The following SNX29 variants were observed in gnomAD, a reference collection of about 807,000 sequenced individuals.
SNX29 encodes the protein sorting nexin 29, also known as sorting nexin-29.
In SNX29, 78 loss-of-function variants were observed where a neutral mutation model predicts 102.1. The ratio of observed to expected loss-of-function variants is 0.76; its 90% CI spans 0.64 to 0.92. The LOEUF is 0.92. Ranked by LOEUF, SNX29 falls within the 40% of genes least tolerant of loss-of-function variation. The pLI, the probability that SNX29 is intolerant of heterozygous loss-of-function variation, is 0.00. For synonymous variants in SNX29, 580 were observed against 414.5 expected, an observed-to-expected ratio of 1.40 and a Z score of -4.85; for missense variants, 1,280 against 1,061.7, an observed-to-expected ratio of 1.21 and a Z score of -2.86.
At chr16:12,383,762 C>A (rs116162031) in intron 16 of SNX29, among the ~76,000 whole-genome samples, 2 of 146,700 alleles carry the variant, frequency 1.4e-5, no homozygotes, top group Non-Finnish European at 3.0e-5. Flanking sequence ...AAAAAAGATA[C>A]GTCAACTTTC....
intron 20 of SNX29, among the ~76,000 whole-genome samples, chr16:12,536,790 A>C (rs1428320675): frequency 6.6e-6 from 1 of 152,170 alleles, no homozygotes; most frequent in Non-Finnish European, 1.5e-5. Flanking sequence ...AGCCTGGCCA[A>C]CATGGTAAAA....
At chr16:12,076,818 C>T (rs1337654624) in intron 10 of SNX29, among the ~76,000 whole-genome samples, 6 of 152,132 alleles carry the variant, frequency 3.9e-5, no homozygotes, top group African/African-American at 9.7e-5. Context: ...TCCTGACTAC[C>T]GTAAACCATA....
intron 18 of SNX29, among the ~76,000 whole-genome samples, chr16:12,437,354 G>A (rs1227314861): frequency 1.3e-5 from 2 of 152,224 alleles, no homozygotes; most frequent in Non-Finnish European, 2.9e-5. Flanking sequence ...ATGGGCCTGA[G>A]GCCCTGCCCA....
intron 18 of SNX29, among the ~76,000 whole-genome samples, chr16:12,448,012 G>A (rs144952816): frequency 3.5e-4 from 53 of 152,288 alleles, no homozygotes; most frequent in African/African-American, 1.2e-3. Context: ...GCTTGGGAAT[G>A]ATGATGATGG....
chr16:12,077,068 G>C (rs2051610423), intron 10 of SNX29, among the ~76,000 whole-genome samples: 1 of 152,142 alleles, frequency 6.6e-6, no homozygotes, highest in South Asian at 2.1e-4. Flanking sequence ...GAGGCCGGGA[G>C]TTCAACACCA....
intron 19 of SNX29, among the ~76,000 whole-genome samples, chr16:12,490,729 A>G (rs936747891): frequency 6.6e-6 from 1 of 152,214 alleles, no homozygotes; most frequent in Non-Finnish European, 1.5e-5. Context: ...CACCAAATTA[A>G]CAGCTGTTCA....
At chr16:12,123,262 CA>C (rs777067873) in intron 11 of SNX29, among the ~76,000 whole-genome samples, 6 of 152,108 alleles carry the variant, frequency 3.9e-5, no homozygotes, top group Admixed American at 6.6e-5. Flanking sequence ...CCCGAGTGAA[CA>C]TTTTTTTGTG....
chr16:12,563,385 C>G (rs114079428), intron 20 of SNX29, among the ~76,000 whole-genome samples: 2 of 152,282 alleles, frequency 1.3e-5, no homozygotes, highest in African/African-American at 4.8e-5. Flanking sequence ...ATATTTTACC[C>G]GTAACCATGA....
chr16:11,981,648 TGAGTA>T (rs1409493855), intron 1 of SNX29, among the ~76,000 whole-genome samples: 2 of 152,152 alleles, frequency 1.3e-5, no homozygotes, highest in African/African-American at 4.8e-5. Flanking sequence ...TGAAAATATT[TGAGTA>T]GAGTCAGAGG....
chr16:12,029,188 T>G (rs771424080), intron 4 of SNX29, among the ~76,000 whole-genome samples: 2 of 152,194 alleles, frequency 1.3e-5, no homozygotes, highest in Non-Finnish European at 2.9e-5. Context: ...GTTTCTTGTT[T>G]ATTTCACCAG....
chr16:12,063,127 A>G (rs1368427971), intron 9 of SNX29, among the ~76,000 whole-genome samples: 5 of 152,150 alleles, frequency 3.3e-5, no homozygotes, highest in African/African-American at 1.2e-4. Flanking sequence ...GGGGGGTGTG[A>G]TTATATCAGC....
chr16:12,279,831 A>G (rs531589361), intron 15 of SNX29, among the ~76,000 whole-genome samples: 22 of 152,334 alleles, frequency 1.4e-4, no homozygotes, highest in African/African-American at 5.1e-4. Flanking sequence ...GAGCTAGAGA[A>G]GGTGAAAGGG....
chr16:12,148,927 C>T (rs865923132), intron 13 of SNX29, among the ~76,000 whole-genome samples: 1 of 152,056 alleles, frequency 6.6e-6, no homozygotes, highest in Admixed American at 6.5e-5. Context: ...GTCTCGAACT[C>T]CTGACCTCAG....
At chr16:12,410,722 C>G (rs905497145) in intron 18 of SNX29, among the ~76,000 whole-genome samples, 3 of 152,214 alleles carry the variant, frequency 2.0e-5, no homozygotes, top group African/African-American at 7.2e-5. Context: ...GTGCAAGCCA[C>G]TGTGCCTGGC....
intron 4 of SNX29, among the ~76,000 whole-genome samples, chr16:12,029,038 G>C: frequency 6.6e-6 from 1 of 152,020 alleles, no homozygotes; most frequent in East Asian, 1.9e-4. Context: ...AAGCCACTGC[G>C]CCTGGCCTTG....
At chr16:12,383,442 C>CT (rs1480142644) in intron 16 of SNX29, among the ~76,000 whole-genome samples, 2 of 151,608 alleles carry the variant, frequency 1.3e-5, no homozygotes, top group Non-Finnish European at 2.9e-5. Flanking sequence ...TCTTTTTTTT[C>CT]TTTTTTCTTT....
At chr16:12,346,192 C>T (rs1438126023) in intron 15 of SNX29, among the ~76,000 whole-genome samples, 1 of 152,014 alleles carries the variant, frequency 6.6e-6, no homozygotes, top group Non-Finnish European at 1.5e-5. Flanking sequence ...TGGGAGGGGG[C>T]TTCTGAACCT....
chr16:12,181,754 C>T (rs2031904016), intron 13 of SNX29, among the ~76,000 whole-genome samples: 1 of 152,078 alleles, frequency 6.6e-6, no homozygotes, highest in African/African-American at 2.4e-5. Context: ...TGTCGCTTGC[C>T]TCTGTGTTCT....
intron 14 of SNX29, among the ~76,000 whole-genome samples, chr16:12,255,256 C>T (rs1412640245): frequency 1.3e-5 from 2 of 152,076 alleles, no homozygotes; most frequent in South Asian, 4.1e-4. Flanking sequence ...AGCGCAATGG[C>T]GTGATCTCGG....
Sources: gnomAD v4.1 joint callset for allele counts (sites outside exome capture counted in the v4.1 genomes callset) on GRCh38, gnomAD v4.1.1 for gene constraint, MANE v1.5 for transcripts, NCBI Gene and HGNC (gene_info 2026-07-23, HGNC 2026-07-21) for gene names.